ZEB2: variants seen among roughly 807,000 people sequenced by gnomAD.
ZEB2 encodes zinc finger E-box binding homeobox 2, also known as zinc finger E-box-binding homeobox 2.
A neutral mutation model predicts 99.9 loss-of-function variants in ZEB2; 6 were observed. The ratio of observed to expected loss-of-function variants is 0.06; its 90% CI spans 0.03 to 0.12. ZEB2 has a LOEUF of 0.12. Ranked by LOEUF, ZEB2 falls within the 10% of genes least tolerant of loss-of-function variation. The pLI is 1.00. For synonymous variants in ZEB2, 517 were observed against 542.5 expected, an observed-to-expected ratio of 0.95 and a Z score of 0.65; for missense variants, 969 against 1,502.8, an observed-to-expected ratio of 0.64 and a Z score of 5.87.
intron 2 of ZEB2, among the ~76,000 whole-genome samples, chr2:144,467,660 C>T (rs1041853057): frequency 4.6e-5 from 7 of 152,164 alleles, no homozygotes; most frequent in African/African-American, 1.7e-4. Flanking sequence ...AGCCATCTGA[C>T]CACCATATGA....
At chr2:144,478,832 T>C (rs1298670624) in intron 2 of ZEB2, among the ~76,000 whole-genome samples, 2 of 152,256 alleles carry the variant, frequency 1.3e-5, no homozygotes, top group African/African-American at 4.8e-5. Context: ...GAATATACAT[T>C]ATCTACTATG....
intron 2 of ZEB2, among the ~76,000 whole-genome samples, chr2:144,440,727 T>C (rs1383773042): frequency 6.6e-6 from 1 of 151,778 alleles, no homozygotes; most frequent in Non-Finnish European, 1.5e-5. Context: ...TTTAAATTTT[T>C]AGTTGACTAA....
chr2:144,429,791 T>C lies in ZEB2; in HGVS notation c.309A>G (p.Leu103=), dbSNP rs187331667. ...VEHPWHNNEI[L]QASVDGPEEM... is the part of the protein sequence containing the mutation. Reference sequence around the variant, plus strand: ...TACCTGGACCATCTACAGAGGCTTGTAGAATCTCGTTGTTGTGCCAGGGGT... The same window carrying C: ...TACCTGGACCATCTACAGAGGCTTGCAGAATCTCGTTGTTGTGCCAGGGGT... The change falls in exon 3 of 10, where the codon CTA becomes CTG. Residue 103 remains leucine (L), a synonymous_variant. Coordinates refer to ENST00000627532, the MANE Select transcript of ZEB2 (RefSeq NM_014795.4). 5.1e-5 allele frequency: 82 copies of C among 1,613,900 alleles called. No individual in the cohort carries two copies. Among genetic ancestry groups the C allele is most frequent in the East Asian group, 2.5e-4 (11 of 44,874 alleles).
At chr2:144,433,507 T>C (rs1032794914) in intron 2 of ZEB2, among the ~76,000 whole-genome samples, 4 of 152,204 alleles carry the variant, frequency 2.6e-5, no homozygotes, top group Non-Finnish European at 5.9e-5. Flanking sequence ...TAAAGTTTCA[T>C]TTTCTCTAAA....
intron 4 of ZEB2, among the ~76,000 whole-genome samples, chr2:144,420,359 A>C (rs1703603344): frequency 6.6e-6 from 1 of 152,120 alleles, no homozygotes; most frequent in African/African-American, 2.4e-5. Context: ...CCTCCTGAGT[A>C]GCTGAGATTA....
chr2:144,519,876 G>A (rs755766378), intron 1 of ZEB2, 63 bp downstream of exon 1: 61 of 391,310 alleles, frequency 1.6e-4, no homozygotes, highest in Non-Finnish European at 2.7e-4. Flanking sequence ...AGAAAAGGAG[G>A]ATGGAGGACG....
At chr2:144,422,825 A>G (rs1366393049) in intron 4 of ZEB2, among the ~76,000 whole-genome samples, 1 of 152,178 alleles carries the variant, frequency 6.6e-6, no homozygotes, top group Admixed American at 6.5e-5. Context: ...AAATCAAAAC[A>G]AAACAACAAA....
At position 144,453,201 on chromosome 2, in the gene ZEB2, C is replaced by A. The variant is rs371194346; in HGVS notation, c.74-23175G>T. ...AACACAGCTTAGCTTTCTTAAACTG[C>A]TTGCTGGTCAGAAAGGACCAATTTG... On this transcript the variant is annotated intron_variant, in intron 2 of 9. Transcript: ENST00000627532. 3.9e-5 allele frequency among the ~76,000 whole-genome samples: 6 copies of A among 152,314 alleles called. No individual in the cohort carries two copies. In the East Asian group the frequency reaches 1.2e-3, roughly 29 times the overall value.
At chr2:144,477,215 A>G (rs576492608) in intron 2 of ZEB2, among the ~76,000 whole-genome samples, 1 of 152,364 alleles carries the variant, frequency 6.6e-6, no homozygotes, top group East Asian at 1.9e-4. Flanking sequence ...AGCAAGCTGC[A>G]TTATTAGAAT....
At chr2:144,517,245 G>T (rs1302709681) in intron 2 of ZEB2, 33 bp downstream of exon 2, 2 of 1,612,734 alleles carry the variant, frequency 1.2e-6, no homozygotes, top group East Asian at 2.2e-5. Context: ...CCGCGTAGTG[G>T]CCCGGAAAAG....
intron 6 of ZEB2, 30 bp from the exon 7 acceptor site, chr2:144,401,337 T>C (rs1353056074): frequency 1.2e-6 from 2 of 1,608,862 alleles, no homozygotes; most frequent in South Asian, 1.1e-5. Flanking sequence ...GACATCAGTT[T>C]TGTGCAGGAG....
chr2:144,452,816 G>C (rs911926080), intron 2 of ZEB2, among the ~76,000 whole-genome samples: 1 of 152,158 alleles, frequency 6.6e-6, no homozygotes, highest in Non-Finnish European at 1.5e-5. Context: ...GAGAGAGGAG[G>C]AAAAGCAAAA....
chr2:144,411,146 A>ACC (rs1703459724), intron 4 of ZEB2, among the ~76,000 whole-genome samples: 1 of 140,164 alleles, frequency 7.1e-6, no homozygotes, highest in Non-Finnish European at 1.5e-5. Context: ...ACACACACAC[A>ACC]CACGCTTCCC....
intron 2 of ZEB2, among the ~76,000 whole-genome samples, chr2:144,460,287 C>T (rs1704174356): frequency 6.6e-6 from 1 of 152,072 alleles, no homozygotes; most frequent in African/African-American, 2.4e-5. Flanking sequence ...ACATCAACGG[C>T]TAAGGTATAC....
chr2:144,437,466 A>G (rs1488100847), intron 2 of ZEB2, among the ~76,000 whole-genome samples: 1 of 152,222 alleles, frequency 6.6e-6, no homozygotes, highest in East Asian at 1.9e-4. Context: ...ATTGGAATCC[A>G]CGATCATTCA....
chr2:144,515,581 T>G (rs1705119426), intron 2 of ZEB2, among the ~76,000 whole-genome samples: 1 of 151,876 alleles, frequency 6.6e-6, no homozygotes, highest in South Asian at 2.1e-4. Flanking sequence ...AACTGAATCT[T>G]GGGGAAGCAG....
intron 2 of ZEB2, chr2:144,513,585 T>A: frequency 6.5e-7 from 1 of 1,528,652 alleles, no homozygotes; most frequent in African/African-American, 1.4e-5. Flanking sequence ...TCTGTGAGAT[T>A]TTTCAGAGGC....
chr2:144,399,266 A>G lies in ZEB2; in HGVS notation c.1921T>C (p.Ser641Pro), dbSNP rs1217656752. The G allele has an allele frequency of 6.2e-7, 1 of 1,614,040 alleles. No homozygotes were observed. The highest frequency in any genetic ancestry group is 1.3e-5 in the African/African-American group (1 of 74,918). Residue 641 changes from serine (S) to proline (P), a missense_variant, in exon 8 of 10, where the codon TCT becomes CCT. By Grantham distance (74) the Ser-to-Pro change is moderately conservative (BLOSUM62 -1). Coordinates refer to ENST00000627532, the MANE Select transcript of ZEB2 (RefSeq NM_014795.4). This position sits in a 1 kb window ranked among gnomAD's most constrained non-coding sequence, Gnocchi z 5.6. ...NKALLLSSVL[S>P]EKGMTSPINP... ...ATGGGGCTTGTCATTCCTTTCTCAG[A>G]AAGTACAGATGACAAGAGGAGGGCT...
In ZEB2 at chr2:144,429,788, T is replaced by C. The variant is rs17855041; in HGVS notation, c.312A>G (p.Gln104=). The C allele has an allele frequency of 6.2e-7, 1 of 1,613,832 alleles. No homozygotes were observed. Among genetic ancestry groups the C allele is most frequent in the Admixed American group, 1.7e-5 (1 of 59,978 alleles). ...ACTTACCTGGACCATCTACAGAGGC[T>C]TGTAGAATCTCGTTGTTGTGCCAGG... ...EHPWHNNEIL[Q]ASVDGPEEMK... Residue 104 remains glutamine, a synonymous_variant, in exon 3 of 10, where the codon CAA becomes CAG. Transcript: ENST00000627532.
Sources: allele counts gnomAD v4.1 joint callset (sites outside exome capture counted in the v4.1 genomes callset), GRCh38; gene constraint gnomAD v4.1.1; non-coding constraint Gnocchi (gnomAD v3.1); transcripts MANE v1.5; gene names NCBI Gene and HGNC (gene_info 2026-07-23, HGNC 2026-07-21).